The following KCNH1 variants were observed in gnomAD, a reference collection of about 807,000 sequenced individuals.
The protein encoded by KCNH1 is voltage-gated delayed rectifier potassium channel KCNH1.
A neutral mutation model predicts 69.2 loss-of-function variants in KCNH1; 27 were observed. The ratio of observed to expected loss-of-function variants is 0.39; its 90% CI spans 0.29 to 0.54. KCNH1 has a LOEUF of 0.54. KCNH1 is among the 20% of genes least tolerant of loss of function. KCNH1 has a pLI of 0.68. For missense variants in KCNH1, 798 were observed against 1,261.6 expected (o/e 0.63, Z 5.57); for synonymous variants, 456 against 487.7 (o/e 0.93, Z 0.86).
At chr1:211,020,874 T>G (rs1319931588) in intron 5 of KCNH1, among the ~76,000 whole-genome samples, 1 of 151,006 alleles carries the variant, frequency 6.6e-6, no homozygotes, top group Non-Finnish European at 1.5e-5. Context: ...ACATCAGCAG[T>G]AGGGAAAAAA....
At chr1:210,885,368 C>T (rs1686580142) in intron 7 of KCNH1, among the ~76,000 whole-genome samples, 2 of 152,200 alleles carry the variant, frequency 1.3e-5, no homozygotes, top group South Asian at 4.1e-4. Context: ...AGGAATAGTG[C>T]ACTCTGGCCA....
intron 7 of KCNH1, among the ~76,000 whole-genome samples, chr1:210,847,222 A>C (rs1285696861): frequency 1.3e-5 from 2 of 152,192 alleles, no homozygotes; most frequent in African/African-American, 4.8e-5. Flanking sequence ...CAGCCATCCC[A>C]TTACTGGGCA....
intron 6 of KCNH1, among the ~76,000 whole-genome samples, chr1:210,968,951 C>A (rs1373175935): frequency 6.6e-6 from 1 of 151,986 alleles, no homozygotes; most frequent in Non-Finnish European, 1.5e-5. Flanking sequence ...AAGGACATCC[C>A]TTTTTATTCC....
chr1:211,116,693 C>T (rs547536848), intron 1 of KCNH1, among the ~76,000 whole-genome samples: 5 of 152,142 alleles, frequency 3.3e-5, no homozygotes, highest in African/African-American at 1.2e-4. Context: ...TATGCCCCAG[C>T]CTGGTGGGGA....
chr1:210,827,901 C>T (rs192873653), intron 7 of KCNH1, among the ~76,000 whole-genome samples: 8 of 152,230 alleles, frequency 5.3e-5, no homozygotes, highest in African/African-American at 1.7e-4. Context: ...AGTGCACTGG[C>T]GTGATCTCGG....
At chr1:210,695,104 G>T (rs374763574) in intron 10 of KCNH1, among the ~76,000 whole-genome samples, 1 of 152,230 alleles carries the variant, frequency 6.6e-6, no homozygotes, top group East Asian at 1.9e-4. Flanking sequence ...TGCTGACACT[G>T]ATTTATGGAG....
chr1:210,680,271 T>C lies in KCNH1; in HGVS notation c.*3010A>G, dbSNP rs904992087. The stretch of plus-strand genomic sequence containing the variant: ...TTCAAAGCAGCCTGTCAGGATATTC[T>C]CTGGGAAATGGAGCTTCAATATGAA... On this transcript the variant is annotated 3_prime_UTR_variant, in exon 11 of 11. Coordinates refer to ENST00000271751, the MANE Select transcript of KCNH1 (RefSeq NM_172362.3). 6.6e-6 allele frequency: 1 copy of C among 152,118 alleles called. No individual in the cohort carries two copies. The highest frequency in any genetic ancestry group is 1.5e-5 in the Non-Finnish European group (1 of 68,036). 9.4% of individuals were successfully genotyped at this position (152,118 alleles called of 1,614,324 possible).
intron 6 of KCNH1, among the ~76,000 whole-genome samples, chr1:210,953,215 A>G (rs1688096532): frequency 6.6e-6 from 1 of 152,136 alleles, no homozygotes; most frequent in Admixed American, 6.5e-5. Flanking sequence ...TCCCTATCTT[A>G]AGGAACTCTA....
At chr1:210,959,870 G>A (rs1362195675) in intron 6 of KCNH1, among the ~76,000 whole-genome samples, 2 of 152,212 alleles carry the variant, frequency 1.3e-5, no homozygotes, top group East Asian at 1.9e-4. Context: ...TCCCAGGTGA[G>A]GCAATGCCCC....
chr1:210,857,032 C>A (rs1277817767), intron 7 of KCNH1, among the ~76,000 whole-genome samples: 1 of 151,190 alleles, frequency 6.6e-6, no homozygotes, highest in Non-Finnish European at 1.5e-5. Context: ...TAGCTTAGAG[C>A]CTTTCTGGGG....
At chr1:210,922,552 G>A (rs1028972570) in intron 6 of KCNH1, among the ~76,000 whole-genome samples, 7 of 152,232 alleles carry the variant, frequency 4.6e-5, no homozygotes, top group Middle Eastern at 3.4e-3. Flanking sequence ...TCCAGGGTCA[G>A]TCTCATCCAA....
Position 210,758,317 on chromosome 1 carries a change from C to G in KCNH1, c.2112+17031G>C, listed in dbSNP as rs1346154223. Among the ~76,000 whole-genome samples, 4 of 152,158 alleles carry G rather than the reference C, an allele frequency of 2.6e-5. No individual in the cohort carries two copies. The East Asian group carries it at 7.7e-4, about 29-fold the overall frequency. ...CTGAGTGGCAAGTGTGGAGAGTGCACCAGCAGTAGGTGCTGGAATTAGACT... is the reference window on the plus strand; with the variant it reads ...CTGAGTGGCAAGTGTGGAGAGTGCAGCAGCAGTAGGTGCTGGAATTAGACT... On this transcript the variant is annotated intron_variant, in intron 10 of 10. Transcript: ENST00000271751.
intron 7 of KCNH1, chr1:210,861,102 C>T (rs1293160968): frequency 2.3e-6 from 2 of 873,880 alleles, no homozygotes; most frequent in Non-Finnish European, 3.9e-6. Context: ...AGCTTCTGGG[C>T]AGCAGTGGCA....
At chr1:210,724,703 G>T (rs1055320518) in intron 10 of KCNH1, among the ~76,000 whole-genome samples, 3 of 152,156 alleles carry the variant, frequency 2.0e-5, no homozygotes, top group African/African-American at 7.2e-5. Context: ...TTCAGTTGTA[G>T]TTTGACTTCA....
chr1:210,964,324 T>C (rs1265358880), intron 6 of KCNH1, among the ~76,000 whole-genome samples: 8 of 152,130 alleles, frequency 5.3e-5, no homozygotes, highest in Admixed American at 5.2e-4. Context: ...TATCAGCCAC[T>C]GCAAAATCAT....
Position 210,807,006 on chromosome 1 carries a change from C to CAAA in KCNH1, c.1463-2843_1463-2841dup, listed in dbSNP as rs138837046. On this transcript the variant is annotated intron_variant, in intron 7 of 10. Transcript: ENST00000271751. ...TGGGTAGCAGAGCAAGACTCCATCT[C>CAAA]AAAAAAAAAAAAAAATTCACAAGAA... 1.3e-3 allele frequency among the ~76,000 whole-genome samples: 162 copies of CAAA among 123,758 alleles called. 2 individuals carry two copies. Among genetic ancestry groups the CAAA allele is most frequent in the Admixed American group, 3.3e-3 (40 of 12,018 alleles). The allele number at this position is 123,758 out of a possible 152,430, so 81.2% of individuals were successfully genotyped here. A position where few individuals can be genotyped will look rare whatever the true frequency, so the allele number is the denominator to read the frequency against.
At position 211,097,201 on chromosome 1, in the gene KCNH1, G is replaced by A. The variant is rs549907239; in HGVS notation, c.310+6295C>T. On this transcript the variant is annotated intron_variant, in intron 3 of 10. Coordinates refer to ENST00000271751, the MANE Select transcript of KCNH1 (RefSeq NM_172362.3). Reference sequence around the variant, plus strand: ...TTATTTAATAAATAGTAATGGGACAGCTGAATAAGCAATGTGGAAAATAAG... The same window carrying A: ...TTATTTAATAAATAGTAATGGGACAACTGAATAAGCAATGTGGAAAATAAG... Among the ~76,000 whole-genome samples the A allele has an allele frequency of 3.0e-4, 45 of 152,300 alleles. No individual in the cohort carries two copies. The South Asian group carries it at 8.9e-3, about 30-fold the overall frequency.
chr1:210,885,476 G>A (rs149304978), intron 7 of KCNH1, among the ~76,000 whole-genome samples: 2 of 151,778 alleles, frequency 1.3e-5, no homozygotes, highest in African/African-American at 4.9e-5. Flanking sequence ...GCACAAAACC[G>A]GGCTGCCATT....
At chr1:211,130,417 G>A (rs981710757) in intron 1 of KCNH1, among the ~76,000 whole-genome samples, 6 of 152,080 alleles carry the variant, frequency 3.9e-5, no homozygotes, top group Admixed American at 2.0e-4. Context: ...CTAAACAGTC[G>A]CAGCCGGTCA....
Sources: allele counts gnomAD v4.1 joint callset (sites outside exome capture counted in the v4.1 genomes callset), GRCh38; gene constraint gnomAD v4.1.1; transcripts MANE v1.5; gene names NCBI Gene and HGNC (gene_info 2026-07-23, HGNC 2026-07-21).